Variants in RBBP5 observed in about 807,000 individuals in gnomAD.
RBBP5 encodes RB binding protein 5, histone lysine methyltransferase complex subunit.
A neutral mutation model predicts 72.2 loss-of-function variants in RBBP5; 5 were observed. The ratio of observed to expected loss-of-function variants is 0.07; its 90% CI spans 0.04 to 0.15. RBBP5 has a LOEUF of 0.15. Ranked by LOEUF, RBBP5 falls within the 10% of genes least tolerant of loss-of-function variation. The pLI is 1.00. For missense variants in RBBP5, 322 were observed against 652.2 expected, an observed-to-expected ratio of 0.49 and a Z score of 5.51; for synonymous variants, 209 against 237.2, an observed-to-expected ratio of 0.88 and a Z score of 1.09.
At chr1:205,116,990 CTTTA>C (rs1416674142) in intron 1 of RBBP5, among the ~76,000 whole-genome samples, 1 of 152,070 alleles carries the variant, frequency 6.6e-6, no homozygotes. Flanking sequence ...ATGAAATTCT[CTTTA>C]TTTCTTTGTT....
intron 12 of RBBP5, among the ~76,000 whole-genome samples, chr1:205,096,106 T>C (rs1004154276): frequency 3.9e-5 from 6 of 151,960 alleles, no homozygotes; most frequent in African/African-American, 9.7e-5. Context: ...GGCAGGAGAA[T>C]TGATTGAACC....
intron 3 of RBBP5, among the ~76,000 whole-genome samples, chr1:205,106,590 T>C (rs929989273): frequency 2.0e-5 from 3 of 152,132 alleles, no homozygotes; most frequent in Non-Finnish European, 2.9e-5. Context: ...AGAGTGAGAC[T>C]CTGTCTCAAG....
intron 12 of RBBP5, 127 bp from the exon 13 acceptor site, chr1:205,095,191 T>G (rs182671079): frequency 5.4e-6 from 5 of 925,024 alleles, no homozygotes; most frequent in East Asian, 5.3e-5. Context: ...AGAGAAAAGT[T>G]TGTCTTATTT....
intron 3 of RBBP5, among the ~76,000 whole-genome samples, chr1:205,105,395 TAA>T (rs1656015946): frequency 6.6e-6 from 1 of 152,128 alleles, no homozygotes; most frequent in Non-Finnish European, 1.5e-5. Flanking sequence ...TATTTCAAGA[TAA>T]AACTATAAAG....
In RBBP5 at chr1:205,100,004, G is replaced by C. The variant is rs372260082; in HGVS notation, c.813C>G (p.Ala271=). 1.9e-4 allele frequency: 309 copies of C among 1,614,132 alleles called. No individual in the cohort carries two copies. In the South Asian group the frequency reaches 2.5e-3, roughly 13 times the overall value. Residue 271 remains alanine (A), a synonymous_variant, in exon 8 of 14, where the codon GCC becomes GCG. Transcript: ENST00000264515. ...GDGEYIVAGS[A]RQHALYIWEK... is the part of the protein sequence containing the mutation. ...CCCAGATGTACAGGGCATGCTGCCG[G>C]GCAGAACCTGCCACGATGTATTCCC...
chr1:205,095,161 A>T, intron 12 of RBBP5, 97 bp from the exon 13 acceptor site: 1 of 1,124,494 alleles, frequency 8.9e-7, no homozygotes, highest in Non-Finnish European at 1.3e-6. Context: ...TTTGTGTCCC[A>T]GATCAATTAA....
chr1:205,097,088 A>C (rs1655648008), intron 11 of RBBP5, among the ~76,000 whole-genome samples, 177 bp from the exon 12 acceptor site: 1 of 152,270 alleles, frequency 6.6e-6, no homozygotes, highest in African/African-American at 2.4e-5. Context: ...ATTGGTGATA[A>C]AAATAAACAG....
chr1:205,101,364 G>A (rs770001380), intron 6 of RBBP5, among the ~76,000 whole-genome samples: 9 of 152,120 alleles, frequency 5.9e-5, no homozygotes, highest in Admixed American at 3.3e-4. Flanking sequence ...TTTAAGCACT[G>A]ACCACTTACT....
rs775843330 is a variant in RBBP5 at position 205,115,890 on chromosome 1, C to T, written c.20-7G>A. 5 of 1,613,334 alleles carry T rather than the reference C, an allele frequency of 3.1e-6. No individual in the cohort carries two copies. Among genetic ancestry groups the T allele is most frequent in the Non-Finnish European group, 4.2e-6 (5 of 1,179,404 alleles). On this transcript the variant is annotated splice_region_variant and splice_polypyrimidine_tract_variant and intron_variant, in intron 1 of 13. Coordinates refer to ENST00000264515, the MANE Select transcript of RBBP5 (RefSeq NM_005057.4). ...TAGTTCTGCCCAAAGGACTCTGCAA[C>T]AAAGCAAAGAAAGAGTTGATGGCAC...
At chr1:205,113,686 A>ATT (rs34699278) in intron 3 of RBBP5, among the ~76,000 whole-genome samples, 14,568 of 125,600 alleles carry the variant, frequency 0.12, 1,349 homozygotes, top group African/African-American at 0.24. Flanking sequence ...AAAAATGTGT[A>ATT]TTTTTTTTTT....
At chr1:205,093,565 C>CAT (rs1553352246) in intron 13 of RBBP5, among the ~76,000 whole-genome samples, 2 of 126,696 alleles carry the variant, frequency 1.6e-5, no homozygotes, top group Non-Finnish European at 3.2e-5. Flanking sequence ...CACACACACA[C>CAT]ACACAGCATT....
chr1:205,102,786 G>A (rs1655887109), intron 5 of RBBP5, among the ~76,000 whole-genome samples: 1 of 152,044 alleles, frequency 6.6e-6, no homozygotes, highest in Non-Finnish European at 1.5e-5. Context: ...CTGAGGTTGG[G>A]AGTTCAAGAC....
intron 13 of RBBP5, 78 bp downstream of exon 13, chr1:205,094,795 T>C: frequency 7.2e-7 from 1 of 1,382,522 alleles, no homozygotes; most frequent in East Asian, 2.4e-5. Context: ...GGAAAAAATG[T>C]TGCAGTTAAA....
At chr1:205,107,502 G>A (rs1392227738) in intron 3 of RBBP5, among the ~76,000 whole-genome samples, 1 of 152,118 alleles carries the variant, frequency 6.6e-6, no homozygotes, top group African/African-American at 2.4e-5. Flanking sequence ...GTCATTCCAG[G>A]AATAAACGGG....
Position 205,116,941 on chromosome 1 carries a change from A to T in RBBP5, c.20-1058T>A, listed in dbSNP as rs144606711. 3.2e-3 allele frequency among the ~76,000 whole-genome samples: 482 copies of T among 152,356 alleles called. 2 individuals are homozygous for T. Among genetic ancestry groups the T allele is most frequent in the Admixed American group, 5.1e-3 (78 of 15,308 alleles). On this transcript the variant is annotated intron_variant, in intron 1 of 13. Transcript: ENST00000264515. ...ATCACACCCCTTCCTGACTAATAAC[A>T]GCATTTAGGTTGCAACAGCAAATAG...
intron 3 of RBBP5, among the ~76,000 whole-genome samples, chr1:205,107,072 A>G (rs529721931): frequency 8.3e-6 from 1 of 120,136 alleles, no homozygotes. Flanking sequence ...GTGTGTGTGT[A>G]TACATATATA....
At chr1:205,093,733 A>G (rs6593921) in intron 13 of RBBP5, among the ~76,000 whole-genome samples, 63,844 of 150,690 alleles carry the variant, frequency 0.42, 14,176 homozygotes, top group Non-Finnish European at 0.47. Flanking sequence ...TAAACTCGAG[A>G]TGGAATACTC....
Position 205,087,077 on chromosome 1 carries a change from T to G in RBBP5, c.*1710A>C, listed in dbSNP as rs191199345. On this transcript the variant is annotated 3_prime_UTR_variant, in exon 14 of 14. Transcript: ENST00000264515. ...TCTTCAACTACTGAATATACTGGTT[T>G]TAAATGATGGAGTGAGACAAAGAGG... 6.6e-6 allele frequency: 1 copy of G among 152,210 alleles called. No individual in the cohort carries two copies. Among genetic ancestry groups the G allele is most frequent in the African/African-American group, 2.4e-5 (1 of 41,452 alleles). The allele number at this position is 152,210 out of a possible 1,614,324, so 9.4% of individuals were successfully genotyped here. A position where few individuals can be genotyped will look rare whatever the true frequency, so the allele number is the denominator to read the frequency against.
At chr1:205,121,834 C>T (rs1366101117) in intron 1 of RBBP5, 21 bp downstream of exon 1, 4 of 1,612,302 alleles carry the variant, frequency 2.5e-6, no homozygotes, top group African/African-American at 1.3e-5. Flanking sequence ...TTCTCTAAAA[C>T]GCAGCCACAG....
Sources: allele counts gnomAD v4.1 joint callset (sites outside exome capture counted in the v4.1 genomes callset), GRCh38; gene constraint gnomAD v4.1.1; transcripts MANE v1.5; gene names NCBI Gene and HGNC (gene_info 2026-07-23, HGNC 2026-07-21).